Variants in LRRC28 observed in about 807,000 individuals in gnomAD.
LRRC28 encodes the protein leucine-rich repeat-containing protein 28.
In LRRC28, 39 loss-of-function variants were observed where a neutral mutation model predicts 45.7. The observed-to-expected ratio is 0.85, with a 90% confidence interval of 0.66 to 1.12. The LOEUF is 1.12. Among genes scored for constraint, LRRC28 ranks in the 50% most tolerant of loss-of-function variants. The pLI, the probability that LRRC28 is intolerant of heterozygous loss-of-function variation, is 0.00. For missense variants in LRRC28, 435 were observed against 438.5 expected, an observed-to-expected ratio of 0.99 and a Z score of 0.07; for synonymous variants, 206 against 178.8, an observed-to-expected ratio of 1.15 and a Z score of -1.22.
intron 6 of LRRC28, among the ~76,000 whole-genome samples, chr15:99,343,188 A>T (rs1481505228): frequency 2.6e-5 from 4 of 152,160 alleles, no homozygotes; most frequent in African/African-American, 9.7e-5. Context: ...ATTTTGATTG[A>T]TTGCTTTGAT....
intron 6 of LRRC28, among the ~76,000 whole-genome samples, chr15:99,336,717 T>G (rs1255545092): frequency 6.6e-6 from 1 of 152,182 alleles, no homozygotes; most frequent in Non-Finnish European, 1.5e-5. Context: ...AACAGAAATC[T>G]TATAAAAGCC....
chr15:99,332,688 G>A (rs1956198434), intron 5 of LRRC28, among the ~76,000 whole-genome samples: 1 of 152,206 alleles, frequency 6.6e-6, no homozygotes, highest in Admixed American at 6.5e-5. Flanking sequence ...CCATGGGCTA[G>A]ATTTGGCCTG....
intron 5 of LRRC28, among the ~76,000 whole-genome samples, chr15:99,309,353 G>C (rs187214723): frequency 2.0e-5 from 3 of 151,814 alleles, no homozygotes; most frequent in Admixed American, 2.0e-4. Flanking sequence ...CCCCAGTTTA[G>C]TTGATTGTTA....
chr15:99,307,055 A>G (rs1286174151), intron 5 of LRRC28, among the ~76,000 whole-genome samples: 1 of 152,042 alleles, frequency 6.6e-6, no homozygotes, highest in Non-Finnish European at 1.5e-5. Context: ...CCAGCTGTTC[A>G]CTCTGGTGAT....
At chr15:99,271,209 G>C (rs1452675653) in intron 2 of LRRC28, among the ~76,000 whole-genome samples, 1 of 151,894 alleles carries the variant, frequency 6.6e-6, no homozygotes, top group East Asian at 1.9e-4. Context: ...CCATTCTGTA[G>C]GTTGTGTTTT....
rs563647466 is a variant in LRRC28, at chr15:99,345,163, T to G, written c.593-7206T>G. ...AGATGAGGAAACTAAGCCGCACATT[T>G]AGTAAATAGAACAAGGATTCAAACC... On this transcript the variant is annotated intron_variant, in intron 6 of 9. Coordinates refer to ENST00000301981, the MANE Select transcript of LRRC28 (RefSeq NM_144598.5). Among the ~76,000 whole-genome samples, 7 of 152,092 alleles carry G rather than the reference T, an allele frequency of 4.6e-5. No homozygotes were observed. In the East Asian group the frequency reaches 1.4e-3, roughly 29 times the overall value.
At chr15:99,329,934 T>C (rs1370755086) in intron 5 of LRRC28, among the ~76,000 whole-genome samples, 1 of 152,204 alleles carries the variant, frequency 6.6e-6, no homozygotes, top group African/African-American at 2.4e-5. Context: ...CATGCACCTA[T>C]GATTAATATA....
At chr15:99,255,867 C>A (rs567298005) in intron 1 of LRRC28, 31 bp from the exon 2 acceptor site, 2 of 1,402,220 alleles carry the variant, frequency 1.4e-6, no homozygotes, top group Non-Finnish European at 1.9e-6. Context: ...AAAAATCTTA[C>A]AATGAATAAA....
intron 2 of LRRC28, chr15:99,258,000 C>G (rs995531687): frequency 1.1e-6 from 1 of 935,886 alleles, no homozygotes; most frequent in Non-Finnish European, 1.8e-6. Context: ...AATGCTCTTT[C>G]TGGAAATGAG....
chr15:99,314,035 T>A (rs755932644), intron 5 of LRRC28, among the ~76,000 whole-genome samples: 11 of 152,242 alleles, frequency 7.2e-5, no homozygotes, highest in Non-Finnish European at 1.3e-4. Context: ...TAGTTGTTTT[T>A]CAGAGTTTTG....
chr15:99,361,635 A>G, intron 8 of LRRC28, 124 bp downstream of exon 8: 1 of 907,908 alleles, frequency 1.1e-6, no homozygotes, highest in Non-Finnish European at 1.6e-6. Context: ...ATAACACGAA[A>G]GTAACCATTT....
intron 7 of LRRC28, among the ~76,000 whole-genome samples, chr15:99,354,693 A>G (rs1056924846): frequency 1.3e-5 from 2 of 152,234 alleles, no homozygotes; most frequent in Admixed American, 1.3e-4. Flanking sequence ...TGATCTAGCC[A>G]GGGAGTCAAG....
intron 5 of LRRC28, among the ~76,000 whole-genome samples, chr15:99,325,973 G>A (rs1002308104): frequency 5.3e-5 from 8 of 152,146 alleles, no homozygotes; most frequent in Non-Finnish European, 1.2e-4. Flanking sequence ...CAATGGGAAG[G>A]CTTGTTGGTT....
chr15:99,279,433 A>G (rs1022652056), intron 3 of LRRC28, among the ~76,000 whole-genome samples: 1 of 152,198 alleles, frequency 6.6e-6, no homozygotes, highest in Non-Finnish European at 1.5e-5. Flanking sequence ...GTTTCAGTTT[A>G]CAGTGGTTTT....
rs1223074530 is a variant in LRRC28 at position 99,286,288 on chromosome 15, G to A, written c.210-969G>A. Among the ~76,000 whole-genome samples the A allele has an allele frequency of 2.0e-5, 3 of 152,004 alleles. No homozygotes were observed. In the East Asian group the frequency reaches 5.8e-4, roughly 29 times the overall value. On this transcript the variant is annotated intron_variant, in intron 3 of 9. Transcript: ENST00000301981. ...TGGGACTACAGATGCACGCCACCACGCCTGGCTAATTTTTTTGTATTTTAG... is the reference window on the plus strand; with the variant it reads ...TGGGACTACAGATGCACGCCACCACACCTGGCTAATTTTTTTGTATTTTAG...
chr15:99,372,489 C>A (rs1957510669), intron 9 of LRRC28, among the ~76,000 whole-genome samples: 1 of 152,122 alleles, frequency 6.6e-6, no homozygotes, highest in South Asian at 2.1e-4. Context: ...CAACATGAAT[C>A]CATTCTTAAG....
chr15:99,301,234 TTAAA>T (rs1315412322), intron 5 of LRRC28, among the ~76,000 whole-genome samples: 2 of 152,224 alleles, frequency 1.3e-5, no homozygotes, highest in Non-Finnish European at 2.9e-5. Context: ...GCATGTTATA[TTAAA>T]TATAGACTAT....
At chr15:99,289,686 C>T (rs2082057325) in intron 5 of LRRC28, among the ~76,000 whole-genome samples, 1 of 151,924 alleles carries the variant, frequency 6.6e-6, no homozygotes, top group South Asian at 2.1e-4. Context: ...GTAATCCCAG[C>T]ACTTTGGGAG....
chr15:99,383,167 T>C (rs1482561676), intron 9 of LRRC28, among the ~76,000 whole-genome samples: 1 of 152,190 alleles, frequency 6.6e-6, no homozygotes, highest in Non-Finnish European at 1.5e-5. Context: ...ACTTTCTGTC[T>C]CTGTAGATTT....
Sources: gnomAD v4.1 joint callset for allele counts (sites outside exome capture counted in the v4.1 genomes callset) on GRCh38, gnomAD v4.1.1 for gene constraint, MANE v1.5 for transcripts, NCBI Gene and HGNC (gene_info 2026-07-23, HGNC 2026-07-21) for gene names.